Variants in FAM135A observed in about 807,000 individuals in gnomAD.
The protein encoded by FAM135A is family with sequence similarity 135 member A.
FAM135A carries 79 observed loss-of-function variants against 146.8 expected under a neutral mutation model. The ratio of observed to expected loss-of-function variants is 0.54; its 90% CI spans 0.45 to 0.65. The LOEUF is 0.65. Among genes scored for constraint, FAM135A ranks in the 30% least tolerant of loss-of-function variants. The pLI, the probability that FAM135A is intolerant of heterozygous loss-of-function variation, is 0.00. For synonymous variants in FAM135A, 562 were observed against 603.6 expected (o/e 0.93, Z 1.01); for missense variants, 1,623 against 1,758.2 (o/e 0.92, Z 1.38).
At chr6:70,537,031 G>A (rs1028357713) in intron 19 of FAM135A, among the ~76,000 whole-genome samples, 2 of 151,192 alleles carry the variant, frequency 1.3e-5, no homozygotes, top group Non-Finnish European at 2.9e-5. Context: ...TGACTCCCTG[G>A]TTCAAGCGAT....
intron 16 of FAM135A, among the ~76,000 whole-genome samples, chr6:70,532,589 A>T (rs1028074656): frequency 1.3e-5 from 2 of 152,186 alleles, no homozygotes; most frequent in African/African-American, 4.8e-5. Context: ...CAGTTTGATA[A>T]ATAAATACAC....
intron 2 of FAM135A, among the ~76,000 whole-genome samples, chr6:70,426,109 C>CA (rs543932611): frequency 1.2e-3 from 114 of 95,692 alleles, no homozygotes; most frequent in Admixed American, 1.9e-3. Flanking sequence ...GACTCCGTCT[C>CA]AAAAAAAAAA....
intron 5 of FAM135A, among the ~76,000 whole-genome samples, chr6:70,463,616 A>G (rs1012679613): frequency 3.9e-5 from 6 of 152,104 alleles, no homozygotes; most frequent in Non-Finnish European, 5.9e-5. Flanking sequence ...TTTCTCAGAA[A>G]TGGGATTCTA....
At chr6:70,490,725 A>G (rs184689920) in intron 10 of FAM135A, among the ~76,000 whole-genome samples, 1 of 152,214 alleles carries the variant, frequency 6.6e-6, no homozygotes, top group Non-Finnish European at 1.5e-5. Flanking sequence ...TATGAAATAC[A>G]GTAAAATCTA....
intron 4 of FAM135A, among the ~76,000 whole-genome samples, chr6:70,443,045 G>T (rs1323489876): frequency 6.6e-6 from 1 of 152,056 alleles, no homozygotes; most frequent in Non-Finnish European, 1.5e-5. Flanking sequence ...GATTATCTTT[G>T]GGATATCTTC....
At chr6:70,457,037 C>T (rs1778511060) in intron 5 of FAM135A, among the ~76,000 whole-genome samples, 1 of 152,210 alleles carries the variant, frequency 6.6e-6, no homozygotes, top group South Asian at 2.1e-4. Flanking sequence ...CATTCAGCAA[C>T]TTCTGGACCT....
At chr6:70,517,888 C>T (rs893574262) in intron 12 of FAM135A, among the ~76,000 whole-genome samples, 2 of 152,198 alleles carry the variant, frequency 1.3e-5, no homozygotes, top group African/African-American at 4.8e-5. Context: ...TTCCCTTCAT[C>T]TCTCTTCCTC....
chr6:70,463,238 C>T (rs2128105518), intron 5 of FAM135A, among the ~76,000 whole-genome samples: 1 of 152,010 alleles, frequency 6.6e-6, no homozygotes, highest in African/African-American at 2.4e-5. Flanking sequence ...TTTCCTTTGC[C>T]TTGCTGTCAT....
At position 70,475,698 on chromosome 6, in the gene FAM135A, A is replaced by G. The variant is rs773025585; in HGVS notation, c.333A>G (p.Leu111=). The G allele has an allele frequency of 4.5e-6, 7 of 1,550,472 alleles. No homozygotes were observed. Among genetic ancestry groups the G allele is most frequent in the Non-Finnish European group, 6.1e-6 (7 of 1,146,932 alleles). ...CCCTTGAGGAAATGAATTTTCTATT[A>G]TCCTTGGATCTACACTTCACAGATG... ...EETLEEMNFL[L]SLDLHFTDGD... Residue 111 remains leucine, a synonymous_variant, in exon 7 of 22, where the codon TTA becomes TTG. Coordinates refer to ENST00000418814, the MANE Select transcript of FAM135A (RefSeq NM_001162529.3).
chr6:70,430,181 A>T (rs1402180915), intron 4 of FAM135A, among the ~76,000 whole-genome samples: 1 of 152,076 alleles, frequency 6.6e-6, no homozygotes, highest in Non-Finnish European at 1.5e-5. Context: ...TACTAAAAAT[A>T]TAAAAATTAC....
chr6:70,414,160 C>T (rs1351527968), intron 1 of FAM135A, among the ~76,000 whole-genome samples: 1 of 152,170 alleles, frequency 6.6e-6, no homozygotes, highest in African/African-American at 2.4e-5. Flanking sequence ...GTGCTTCCAT[C>T]CCTTGCCTGG....
intron 13 of FAM135A, among the ~76,000 whole-genome samples, 174 bp downstream of exon 13, chr6:70,522,760 T>G (rs1793894013): frequency 6.6e-6 from 1 of 152,218 alleles, no homozygotes; most frequent in Non-Finnish European, 1.5e-5. Flanking sequence ...AGTTACTTCA[T>G]TAAAGTTCCA....
chr6:70,485,372 G>A (rs1784417237), intron 10 of FAM135A, among the ~76,000 whole-genome samples: 2 of 151,930 alleles, frequency 1.3e-5, no homozygotes, highest in Admixed American at 6.6e-5. Context: ...ATTCTTGAAT[G>A]CATCCTGTAA....
chr6:70,502,222 T>C (rs1315833784), intron 11 of FAM135A, among the ~76,000 whole-genome samples: 2 of 152,224 alleles, frequency 1.3e-5, no homozygotes, highest in East Asian at 3.8e-4. Context: ...TATTTTTTCT[T>C]AGCTAATTGG....
At chr6:70,554,658 T>A (rs894734384) in intron 20 of FAM135A, among the ~76,000 whole-genome samples, 5 of 152,160 alleles carry the variant, frequency 3.3e-5, no homozygotes, top group Non-Finnish European at 5.9e-5. Flanking sequence ...AGACGGAGTC[T>A]CTTTTGTCGC....
At chr6:70,534,423 G>A (rs543558648) in intron 18 of FAM135A, among the ~76,000 whole-genome samples, 21 of 146,626 alleles carry the variant, frequency 1.4e-4, no homozygotes, top group African/African-American at 4.1e-4. Flanking sequence ...GGGCTCAGGC[G>A]ATCCTCCCAC....
intron 2 of FAM135A, among the ~76,000 whole-genome samples, chr6:70,424,029 T>C (rs763010354): frequency 1.3e-5 from 2 of 152,226 alleles, no homozygotes; most frequent in African/African-American, 2.4e-5. Context: ...AAAAACTCTT[T>C]TCATGAGAAT....
chr6:70,534,270 A>G (rs144206338), intron 18 of FAM135A, among the ~76,000 whole-genome samples: 59 of 98,466 alleles, frequency 6.0e-4, no homozygotes, highest in Middle Eastern at 6.0e-3. Flanking sequence ...TGTATATGAT[A>G]TATGTATATG....
chr6:70,462,286 T>G (rs188426750), intron 5 of FAM135A, among the ~76,000 whole-genome samples: 1 of 152,308 alleles, frequency 6.6e-6, no homozygotes, highest in Admixed American at 6.5e-5. Context: ...AGTGTGACAT[T>G]GACGGCCAAG....
Sources: allele counts gnomAD v4.1 joint callset (sites outside exome capture counted in the v4.1 genomes callset), GRCh38; gene constraint gnomAD v4.1.1; transcripts MANE v1.5; gene names NCBI Gene and HGNC (gene_info 2026-07-23, HGNC 2026-07-21).